MCTP1: variants seen among roughly 807,000 people sequenced by gnomAD.
MCTP1 encodes multiple C2 and transmembrane domain containing 1.
MCTP1 carries 69 observed loss-of-function variants against 120.6 expected under a neutral mutation model. That is an observed-to-expected ratio of 0.57 (90% confidence interval 0.47 to 0.70). The LOEUF (loss-of-function observed/expected upper bound fraction) is 0.70, where lower values mean the gene tolerates loss of function less well. MCTP1 is among the 30% of genes least tolerant of loss of function. The probability of loss-of-function intolerance (pLI) is 0.00; values close to 1 mark genes in which losing one functional copy is unlikely to be tolerated. For missense variants in MCTP1, 1,203 were observed against 1,248.8 expected, an observed-to-expected ratio of 0.96 and a Z score of 0.55; for synonymous variants, 529 against 493.1, an observed-to-expected ratio of 1.07 and a Z score of -0.96.
intron 2 of MCTP1, among the ~76,000 whole-genome samples, chr5:94,993,028 C>T (rs1244127202): frequency 1.3e-5 from 2 of 152,178 alleles, no homozygotes; most frequent in African/African-American, 2.4e-5. Flanking sequence ...ATAACTTACA[C>T]TCACAGAATT....
chr5:94,937,070 A>G (rs1032308849), intron 5 of MCTP1, among the ~76,000 whole-genome samples: 1 of 152,120 alleles, frequency 6.6e-6, no homozygotes, highest in Non-Finnish European at 1.5e-5. Context: ...CACCAGCCAG[A>G]GGCTGGCTCT....
At chr5:95,114,277 T>C (rs2152393919) in intron 1 of MCTP1, among the ~76,000 whole-genome samples, 1 of 152,326 alleles carries the variant, frequency 6.6e-6, no homozygotes, top group East Asian at 1.9e-4. Context: ...GAGCACTTTG[T>C]CTATAGGGAA....
At chr5:94,940,450 C>A (rs1817314741) in intron 4 of MCTP1, among the ~76,000 whole-genome samples, 1 of 150,160 alleles carries the variant, frequency 6.7e-6, no homozygotes, top group Admixed American at 6.7e-5. Context: ...GTCAAGACTA[C>A]AACCCTATTA....
At chr5:95,027,685 G>A (rs1334590200) in intron 1 of MCTP1, among the ~76,000 whole-genome samples, 1 of 152,198 alleles carries the variant, frequency 6.6e-6, no homozygotes, top group Non-Finnish European at 1.5e-5. Context: ...TCCCACTGCT[G>A]AAAGCCTGAA....
At chr5:95,282,072 G>C (rs1307993716) in intron 1 of MCTP1, among the ~76,000 whole-genome samples, 1 of 152,204 alleles carries the variant, frequency 6.6e-6, no homozygotes, top group African/African-American at 2.4e-5. Context: ...CAATCACATA[G>C]GTCTGCTGTG....
chr5:94,708,939 G>A (rs1755724777), intron 21 of MCTP1: 1 of 176,392 alleles, frequency 5.7e-6, no homozygotes, highest in Non-Finnish European at 1.2e-5. Context: ...GATGAAACTT[G>A]CTTTCCTACT....
chr5:94,769,204 A>T (rs1266061432), intron 19 of MCTP1, among the ~76,000 whole-genome samples: 1 of 152,152 alleles, frequency 6.6e-6, no homozygotes, highest in Non-Finnish European at 1.5e-5. Context: ...TAGAAGTGAA[A>T]AGTAGAATAA....
intron 1 of MCTP1, among the ~76,000 whole-genome samples, chr5:95,020,468 G>A (rs1324268771): frequency 6.6e-6 from 1 of 151,836 alleles, no homozygotes; most frequent in Non-Finnish European, 1.5e-5. Context: ...TTTCTGCTGT[G>A]TTGTTAGTCT....
chr5:95,281,676 G>A lies in MCTP1; in HGVS notation c.720+2180C>T, dbSNP rs565447087. 2.1e-4 allele frequency among the ~76,000 whole-genome samples: 32 copies of A among 152,122 alleles called. 1 individual carries two copies. The South Asian group carries it at 4.8e-3, about 23-fold the overall frequency. On this transcript the variant is annotated intron_variant, in intron 1 of 22. Transcript: ENST00000515393. ...TTTCTATTTCTCTTATGTCTATGTC[G>A]AAATGCTGATTCTCTATAATGAAAA...
At chr5:94,719,786 A>G (rs1202532005) in intron 19 of MCTP1, among the ~76,000 whole-genome samples, 1 of 152,190 alleles carries the variant, frequency 6.6e-6, no homozygotes, top group Non-Finnish European at 1.5e-5. Flanking sequence ...ATGTTTACCT[A>G]TGTAACAAAC....
At chr5:94,952,812 C>G (rs1820959379) in intron 3 of MCTP1, among the ~76,000 whole-genome samples, 1 of 151,838 alleles carries the variant, frequency 6.6e-6, no homozygotes, top group African/African-American at 2.4e-5. Context: ...TTCTCATGCT[C>G]CAAGTAAAGC....
intron 18 of MCTP1, chr5:94,789,377 A>G (rs1191403840): frequency 6.6e-6 from 1 of 152,262 alleles, no homozygotes; most frequent in South Asian, 2.1e-4. Context: ...TTTTAAAAAT[A>G]GAAGTGTTTC....
intron 19 of MCTP1, among the ~76,000 whole-genome samples, chr5:94,725,334 G>C (rs73150143): frequency 0.073 from 11,179 of 152,238 alleles, 455 homozygotes; most frequent in South Asian, 0.12. Flanking sequence ...AGAATAGTTG[G>C]TGGGTGGAAT....
intron 17 of MCTP1, among the ~76,000 whole-genome samples, chr5:94,821,597 A>T (rs1164569779): frequency 2.6e-5 from 4 of 152,212 alleles, no homozygotes; most frequent in African/African-American, 9.6e-5. Context: ...TCCCAGTACA[A>T]ATAAAAAGCC....
chr5:95,008,609 C>A, intron 2 of MCTP1, among the ~76,000 whole-genome samples: 1 of 152,142 alleles, frequency 6.6e-6, no homozygotes. Flanking sequence ...ATGTCCAAAT[C>A]CTAACCCCTA....
At position 95,179,745 on chromosome 5, in the gene MCTP1, A is replaced by G. The variant is rs1748400445; in HGVS notation, c.720+104111T>C. Among the ~76,000 whole-genome samples the G allele has an allele frequency of 2.0e-5, 3 of 152,216 alleles. No homozygotes were observed. The South Asian group carries it at 6.2e-4, about 32-fold the overall frequency. ...AACCTCCTTAAAGCATAAATCTCAC[A>G]GGACTTATGTAACAATAACACAATG... On this transcript the variant is annotated intron_variant, in intron 1 of 22. Transcript: ENST00000515393.
chr5:94,750,112 T>A (rs1323242228), intron 19 of MCTP1, among the ~76,000 whole-genome samples: 1 of 152,216 alleles, frequency 6.6e-6, no homozygotes, highest in Non-Finnish European at 1.5e-5. Flanking sequence ...CAGTCCCTTG[T>A]TCCCTTTCCC....
intron 19 of MCTP1, among the ~76,000 whole-genome samples, chr5:94,764,828 C>CAAAAAAAAAAAAAAAAAAAAA: frequency 1.1e-5 from 1 of 90,976 alleles, no homozygotes. Flanking sequence ...TGACCTGGAC[C>CAAAAAAAAAAAAAAAAAAAAA]AAAAAAAAAA....
At chr5:95,055,376 A>G (rs1189812928) in intron 1 of MCTP1, among the ~76,000 whole-genome samples, 3 of 152,220 alleles carry the variant, frequency 2.0e-5, no homozygotes, top group African/African-American at 7.2e-5. Context: ...TGATGACTCC[A>G]AGAATATTGA....
Sources: allele counts gnomAD v4.1 joint callset (sites outside exome capture counted in the v4.1 genomes callset), GRCh38; gene constraint gnomAD v4.1.1; transcripts MANE v1.5; gene names NCBI Gene and HGNC (gene_info 2026-07-23, HGNC 2026-07-21).